The following TTC16 variants were observed in gnomAD, a reference collection of about 807,000 sequenced individuals.
TTC16 encodes the protein tetratricopeptide repeat domain 16, also known as tetratricopeptide repeat protein 16.
TTC16 carries 66 observed loss-of-function variants against 80.4 expected under a neutral mutation model. The observed-to-expected ratio is 0.82, with a 90% confidence interval of 0.67 to 1.01. TTC16 has a LOEUF of 1.01. Ranked by LOEUF, TTC16 falls within the 50% of genes least tolerant of loss-of-function variation. The pLI is 0.00. For synonymous variants in TTC16, 438 were observed against 451.3 expected (o/e 0.97, Z 0.37); for missense variants, 1,070 against 1,103.2 (o/e 0.97, Z 0.43).
chr9:127,724,871 G>A lies in TTC16; in HGVS notation c.1233G>A (p.Lys411=). The change falls in exon 9 of 14, where the codon AAG becomes AAA. Residue 411 remains lysine (K), a synonymous_variant. Transcript: ENST00000373289. ...ANTRMGLLQE[K]MGFCEQRRKQ... ...CGCGCATGGGCCTGCTGCAGGAGAA[G>A]ATGGGCTTCTGCGAGCAGAGGCGCA... The A allele has an allele frequency of 6.4e-7, 1 of 1,571,632 alleles. No homozygotes were observed. The highest frequency in any genetic ancestry group is 8.6e-7 in the Non-Finnish European group (1 of 1,161,270).
chr9:127,720,966 C>T (rs1461650662), intron 6 of TTC16, among the ~76,000 whole-genome samples: 1 of 107,890 alleles, frequency 9.3e-6, no homozygotes, highest in African/African-American at 3.7e-5. Flanking sequence ...CTTCTTTCTC[C>T]TCTTCCTCCC....
intron 13 of TTC16, 98 bp from the exon 14 acceptor site, chr9:127,730,538 G>A (rs1463174196): frequency 6.6e-7 from 1 of 1,514,086 alleles, no homozygotes; most frequent in East Asian, 2.3e-5. Flanking sequence ...GAAGCCTCTG[G>A]GCCACAGGCC....
chr9:127,730,692 A>G lies in TTC16; in HGVS notation c.1909A>G (p.Ser637Gly). The G allele has an allele frequency of 1.2e-6, 2 of 1,613,208 alleles. No individual in the cohort carries two copies. The highest frequency in any genetic ancestry group is 4.5e-5 in the East Asian group (2 of 44,876). The change falls in exon 14 of 14, where the codon AGC becomes GGC. Residue 637 changes from serine to glycine, a missense_variant. Coordinates refer to ENST00000373289, the MANE Select transcript of TTC16 (RefSeq NM_144965.3). The stretch of plus-strand genomic sequence containing the variant: ...GTCGGCTATCTGCCAGGAATACAGG[A>G]GCACCTCAGCCACCGCCGTGACATT... ...EMSAICQEYR[S>G]TSATAVTFSD...
chr9:127,717,647 C>T lies in TTC16; in HGVS notation c.301C>T (p.Arg101Trp), dbSNP rs144323582. ...DPQLVDFYALRAEAYLQLCDF... is the reference protein window; with the variant it reads ...DPQLVDFYALWAEAYLQLCDF... ...CCCTCAGGTGGACTTCTATGCCTTA[C>T]GGGCTGAGGCCTACCTCCAGCTCTG... Residue 101 changes from arginine to tryptophan, a missense_variant, in exon 4 of 14, where the codon CGG becomes TGG. Physicochemically the swap from Arg to Trp is moderately radical, Grantham distance 101. Transcript: ENST00000373289. 20 of 1,613,976 alleles carry T rather than the reference C, an allele frequency of 1.2e-5. No individual in the cohort carries two copies. Among genetic ancestry groups the T allele is most frequent in the African/African-American group, 8.0e-5 (6 of 75,058 alleles).
rs774942883 is a variant in TTC16, at chr9:127,724,107, C to CA, written c.873-13_873-12insA. 14 of 1,443,306 alleles carry CA rather than the reference C, an allele frequency of 9.7e-6. No homozygotes were observed. The highest frequency in any genetic ancestry group is 3.6e-5 in the South Asian group (3 of 83,080). The allele number at this position is 1,443,306 out of a possible 1,614,324, so 89.4% of individuals were successfully genotyped here. On this transcript the variant is annotated splice_polypyrimidine_tract_variant and intron_variant, in intron 7 of 13. Coordinates refer to ENST00000373289, the MANE Select transcript of TTC16 (RefSeq NM_144965.3). Reference sequence around the variant, plus strand: ...CATGTCCCTCCTGCCGTCTCCCACGCCCCCCCCGACAGGGGCACCATGTAC... The same window carrying CA: ...CATGTCCCTCCTGCCGTCTCCCACGCACCCCCCCGACAGGGGCACCATGTAC...
intron 3 of TTC16, 49 bp from the exon 4 acceptor site, chr9:127,717,580 G>A (rs1012100948): frequency 8.1e-6 from 13 of 1,603,814 alleles, no homozygotes; most frequent in African/African-American, 1.3e-5. Flanking sequence ...CTACCCTCCA[G>A]GGGCAGATGG....
At position 127,724,100 on chromosome 9, in the gene TTC16, TCCC is replaced by T. The variant is rs777821997; in HGVS notation, c.873-19_873-17del. ...TGGCGCTCATGTCCCTCCTGCCGTC[TCCC>T]ACGCCCCCCCCGACAGGGGCACCAT... is the stretch of plus-strand genomic sequence containing the variant. On this transcript the variant is annotated splice_polypyrimidine_tract_variant and intron_variant, in intron 7 of 13. Transcript: ENST00000373289. 7.0e-7 allele frequency: 1 copy of T among 1,431,870 alleles called. No individual in the cohort carries two copies. The highest frequency in any genetic ancestry group is 9.2e-7 in the Non-Finnish European group (1 of 1,086,104). 88.7% of individuals were successfully genotyped at this position (1,431,870 alleles called of 1,614,324 possible).
chr9:127,731,343 C>T lies in TTC16; in HGVS notation c.2560C>T (p.Pro854Ser), dbSNP rs1198262112. The change falls in exon 14 of 14, where the codon CCC becomes TCC. Residue 854 changes from proline (P) to serine (S), a missense_variant. Coordinates refer to ENST00000373289, the MANE Select transcript of TTC16 (RefSeq NM_144965.3). ...CAGCAAGGCCGAGTCCACCTGGGGA[C>T]CCAGCCCAAGTCTCAGCAAAACTGA... ...TSSKAESTWG[P>S]SPSLSKTEVD... 3 of 1,612,858 alleles carry T rather than the reference C, an allele frequency of 1.9e-6. No individual in the cohort carries two copies. The highest frequency in any genetic ancestry group is 1.1e-5 in the South Asian group (1 of 91,088).
intron 4 of TTC16, among the ~76,000 whole-genome samples, chr9:127,719,061 A>T (rs1005934031): frequency 6.6e-6 from 1 of 151,528 alleles, no homozygotes; most frequent in Admixed American, 6.6e-5. Flanking sequence ...AAATACAAAA[A>T]CTAGCTAGGC....
rs1432327828 is a variant in TTC16, at chr9:127,724,353, T to A, written c.1106T>A (p.Ile369Asn). ...RDEQQEKGLYINRGDCFFQLG... is the reference protein window; with the variant it reads ...RDEQQEKGLYNNRGDCFFQLG... ...GAGCAGCAGGAGAAAGGACTCTACA[T>A]CAACCGAGGCGGTGCGCAGCGACCA... The change falls in exon 8 of 14, where the codon ATC becomes AAC. Residue 369 changes from isoleucine (I) to asparagine (N), a missense_variant. Transcript: ENST00000373289. The A allele has an allele frequency of 1.1e-5, 16 of 1,492,132 alleles. No individual in the cohort carries two copies. Among genetic ancestry groups the A allele is most frequent in the Non-Finnish European group, 1.5e-5 (16 of 1,102,828 alleles). 92.4% of individuals were successfully genotyped at this position (1,492,132 alleles called of 1,614,324 possible).
rs1406806040 is a variant in TTC16, at chr9:127,723,191, C to T, written c.730C>T (p.Leu244Phe). ...NPKHPQARML[L>F]QKMVAQAQQA... ...CAAGCACCCGCAGGCCAGGATGCTG[C>T]TCCAGAAGATGGTGGCCCAGGCCCA... The change falls in exon 7 of 14, where the codon CTC becomes TTC. Residue 244 changes from leucine (L) to phenylalanine (F), a missense_variant. Leu to Phe is a conservative substitution (Grantham distance 22). Coordinates refer to ENST00000373289, the MANE Select transcript of TTC16 (RefSeq NM_144965.3). 6.2e-7 allele frequency: 1 copy of T among 1,612,876 alleles called. No homozygotes were observed. The highest frequency in any genetic ancestry group is 8.5e-7 in the Non-Finnish European group (1 of 1,180,036).
Position 127,730,898 on chromosome 9 carries a change from G to A in TTC16, c.2115G>A (p.Arg705=), listed in dbSNP as rs1301711113. ...AGACCAAGGCCACTATACACAAGAGGAACTCCAGCAAGACCAAGGCCACCC... is the reference window on the plus strand; with the variant it reads ...AGACCAAGGCCACTATACACAAGAGAAACTCCAGCAAGACCAAGGCCACCC... ...SSKTKATIHK[R]NSSKTKATQS... is the part of the protein sequence containing the mutation. Residue 705 remains arginine (R), a synonymous_variant, in exon 14 of 14, where the codon AGG becomes AGA. Transcript: ENST00000373289. 1 of 1,612,754 alleles carries A rather than the reference G, an allele frequency of 6.2e-7. No individual in the cohort carries two copies. The highest frequency in any genetic ancestry group is 1.3e-5 in the African/African-American group (1 of 74,540).
chr9:127,724,069 G>A (rs1311166063), intron 7 of TTC16, 51 bp from the exon 8 acceptor site: 2 of 1,497,006 alleles, frequency 1.3e-6, no homozygotes, highest in South Asian at 2.7e-5. Context: ...GTCGGTGGGG[G>A]TGCACTGGCG....
chr9:127,724,451 G>T (rs751353372), intron 8 of TTC16, 87 bp downstream of exon 8: 23 of 1,516,830 alleles, frequency 1.5e-5, no homozygotes, highest in Admixed American at 4.0e-5. Context: ...GAGGCCCCTG[G>T]GGGGAAGGAG....
In TTC16 at chr9:127,727,273, G is replaced by A; in HGVS notation, c.1572G>A (p.Met524Ile). The A allele has an allele frequency of 6.4e-7, 1 of 1,560,264 alleles. No individual in the cohort carries two copies. The highest frequency in any genetic ancestry group is 2.3e-5 in the East Asian group (1 of 44,240). The part of the protein sequence containing the change: ...QAGSPQGIVG[M>I]LKRHELERQK... Reference sequence around the variant, plus strand: ...CCTGGGGGGTATCGTTTGGCAGGATGCTTAAACGGCACGAGTTGGAGCGCC... The same window carrying A: ...CCTGGGGGGTATCGTTTGGCAGGATACTTAAACGGCACGAGTTGGAGCGCC... Residue 524 changes from methionine to isoleucine, a missense_variant, in exon 12 of 14, where the codon ATG (methionine) becomes ATA (isoleucine). Transcript: ENST00000373289.
chr9:127,728,464 C>T (rs1347735756), intron 12 of TTC16: 1 of 152,190 alleles, frequency 6.6e-6, no homozygotes, highest in Non-Finnish European at 1.5e-5. Context: ...AAACTTGAAG[C>T]AATTGAAGTA....
At position 127,730,950 on chromosome 9, in the gene TTC16, A is replaced by ACCAGGGCCAC. The variant is rs780564117; in HGVS notation, c.2177_2186dup (p.Gln729HisfsTer12). The ACCAGGGCCAC allele has an allele frequency of 6.2e-7, 1 of 1,613,200 alleles. No homozygotes were observed. Among genetic ancestry groups the ACCAGGGCCAC allele is most frequent in the East Asian group, 2.2e-5 (1 of 44,826 alleles). On this transcript the variant is annotated frameshift_variant, in exon 14 of 14. Coordinates refer to ENST00000373289, the MANE Select transcript of TTC16 (RefSeq NM_144965.3). LOFTEE classifies it low-confidence loss of function (END_TRUNC). ...AAGCCAGAGGCGGAACTCCAGCAAG[A>ACCAGGGCCAC]CCAGGGCCACCCAGGGCCAGGGGCA...
intron 7 of TTC16, 132 bp from the exon 8 acceptor site, chr9:127,723,988 A>G: frequency 8.0e-7 from 1 of 1,255,570 alleles, no homozygotes; most frequent in Non-Finnish European, 1.1e-6. Context: ...CTAGCAAATG[A>G]GGTGGGATCC....
At chr9:127,726,939 A>T in intron 10 of TTC16, 31 bp from the exon 11 acceptor site, 1 of 1,612,736 alleles carries the variant, frequency 6.2e-7, no homozygotes, top group South Asian at 1.1e-5. Context: ...TCTGGCCCTC[A>T]CCTGGCTCTG....
Sources: allele counts gnomAD v4.1 joint callset (sites outside exome capture counted in the v4.1 genomes callset), GRCh38; gene constraint gnomAD v4.1.1; transcripts MANE v1.5; gene names NCBI Gene and HGNC (gene_info 2026-07-23, HGNC 2026-07-21).